The following MGST1 variants were observed in gnomAD, a reference collection of about 807,000 sequenced individuals.
MGST1 encodes microsomal glutathione S-transferase 1.
A neutral mutation model predicts 8.9 loss-of-function variants in MGST1; 5 were observed. That is an observed-to-expected ratio of 0.56 (90% confidence interval 0.29 to 1.19). The LOEUF (loss-of-function observed/expected upper bound fraction) is 1.19. Among genes scored for constraint, MGST1 ranks in the 50% most tolerant of loss-of-function variants. MGST1 has a pLI of 0.08. For synonymous variants in MGST1, 54 were observed against 67.8 expected (o/e 0.80, Z 1.00); for missense variants, 182 against 187.4 (o/e 0.97, Z 0.17).
At chr12:16,470,900 C>G (rs1941286307) in intron 4 of MGST1, among the ~76,000 whole-genome samples, 1 of 152,158 alleles carries the variant, frequency 6.6e-6, no homozygotes, top group South Asian at 2.1e-4. Flanking sequence ...CCACCAACCT[C>G]CCTTTATTTG....
intron 4 of MGST1, among the ~76,000 whole-genome samples, chr12:16,569,709 A>C (rs1942744379): frequency 6.6e-6 from 1 of 152,214 alleles, no homozygotes. Context: ...CTAGAATAAA[A>C]GAAATGTGTC....
At chr12:16,453,637 A>C (rs995160886) in intron 4 of MGST1, among the ~76,000 whole-genome samples, 1 of 151,938 alleles carries the variant, frequency 6.6e-6, no homozygotes, top group Non-Finnish European at 1.5e-5. Flanking sequence ...GTCGGGATCA[A>C]GGTGTTGACA....
chr12:16,543,155 T>G (rs1046170221), intron 4 of MGST1, among the ~76,000 whole-genome samples: 1 of 152,158 alleles, frequency 6.6e-6, no homozygotes, highest in African/African-American at 2.4e-5. Context: ...GAATCTGACA[T>G]GCAGAAGGTG....
Position 16,513,886 on chromosome 12 carries a change from T to A in MGST1, n.483-75642T>A. 2 of 603,666 alleles carry A rather than the reference T, an allele frequency of 3.3e-6. No individual in the cohort carries two copies. The highest frequency in any genetic ancestry group is 4.0e-5 in the Admixed American group (2 of 49,440). 37.4% of individuals were successfully genotyped at this position (603,666 alleles called of 1,614,324 possible). A position where few individuals can be genotyped will look rare whatever the true frequency, so the allele number is the denominator to read the frequency against. On this transcript the variant is annotated intron_variant and non_coding_transcript_variant, in intron 4 of 4. Coordinates refer to the MGST1 transcript ENST00000538857. This position sits in a 1 kb window ranked among gnomAD's most constrained non-coding sequence, Gnocchi z 4.2. ...AACCTGGGGAAGTCGCACACCCATC[T>A]TCAGGGATACTGGCATGCAGCTACA...
rs1940533536 is a variant in MGST1 at position 16,389,704 on chromosome 12, A to T, written n.778+6100A>T. 6.6e-6 allele frequency among the ~76,000 whole-genome samples: 1 copy of T among 152,132 alleles called. No homozygotes were observed. The highest frequency in any genetic ancestry group is 2.1e-4 in the South Asian group (1 of 4,812). On this transcript the variant is annotated intron_variant and non_coding_transcript_variant, in intron 1 of 1. Coordinates refer to the MGST1 transcript ENST00000359720. The surrounding 1 kb of genome is among the most constrained non-coding windows in gnomAD (Gnocchi z 4.6). ...TGTGAAAGAAGGGTGTTATTAGCTG[A>T]TGCTGACTCATTGGGGTTTGAAGTA...
chr12:16,406,089 G>A lies in MGST1; in HGVS notation n.778+22485G>A, dbSNP rs562233457. On this transcript the variant is annotated intron_variant and non_coding_transcript_variant, in intron 1 of 1. Coordinates refer to the MGST1 transcript ENST00000359720. ...ATTCAGGCAACAGAAAGAAAGAAAG[G>A]GCATCCTAATAGAAAGCCATCCAAA... 3.3e-5 allele frequency among the ~76,000 whole-genome samples: 5 copies of A among 152,076 alleles called. 1 individual carries two copies. In the South Asian group the frequency reaches 8.3e-4, roughly 25 times the overall value.
In MGST1 at chr12:16,373,092, C is replaced by T. The variant is rs187930835; in HGVS notation, c.222-3030C>T. ...TATTTGGCCATAAAAAAAATTCTGT[C>T]ATTTGAAACAACATGGATAGAACTG... is the stretch of plus-strand genomic sequence containing the variant. On this transcript the variant is annotated intron_variant, in intron 3 of 3. Transcript: ENST00000535309. Among the ~76,000 whole-genome samples the T allele has an allele frequency of 1.7e-4, 25 of 146,796 alleles. No individual in the cohort carries two copies. The East Asian group carries it at 5.1e-3, about 30-fold the overall frequency.
chr12:16,400,305 T>C (rs1270107520), intron 1 of MGST1: 2 of 794,262 alleles, frequency 2.5e-6, no homozygotes, highest in African/African-American at 1.7e-5. Context: ...AGAGCTGGAA[T>C]GAAGCATGCT....
chr12:16,424,638 T>G (rs555390768), intron 1 of MGST1, among the ~76,000 whole-genome samples: 29 of 152,326 alleles, frequency 1.9e-4, no homozygotes, highest in African/African-American at 6.5e-4. Context: ...TTCCAAAGCC[T>G]AATTTCTCAG....
At chr12:16,493,572 A>G (rs889985820) in intron 4 of MGST1, among the ~76,000 whole-genome samples, 2 of 152,164 alleles carry the variant, frequency 1.3e-5, no homozygotes, top group African/African-American at 4.8e-5. Context: ...TAGCAGTGAC[A>G]AATAAGAACT....
At chr12:16,545,029 TTTAAA>T (rs1197546490) in intron 4 of MGST1, among the ~76,000 whole-genome samples, 9 of 152,040 alleles carry the variant, frequency 5.9e-5, no homozygotes, top group East Asian at 1.9e-4. Context: ...ATATAGAAAT[TTTAAA>T]TTAAAGTAAT....
At chr12:16,369,015 GT>G (rs74662924), downstream of MGST1, among the ~76,000 whole-genome samples, 13,926 of 152,086 alleles carry the variant, frequency 0.092, 718 homozygotes, top group East Asian at 0.22. This position sits in a 1 kb window ranked among gnomAD's most constrained non-coding sequence, Gnocchi z 4.8. Context: ...AGAGTTAGAG[GT>G]TGCCTAAAGT....
At position 16,484,793 on chromosome 12, in the gene MGST1, T is replaced by G. The variant is rs138498579; in HGVS notation, n.482+101189T>G. On this transcript the variant is annotated intron_variant and non_coding_transcript_variant, in intron 4 of 4. Coordinates refer to the MGST1 transcript ENST00000538857. ...TGTCCTCCAACACTGGGGATTACAA[T>G]GTGACATGAGATTTGATCAGGGACA... Among the ~76,000 whole-genome samples, 591 of 152,300 alleles carry G rather than the reference T, an allele frequency of 3.9e-3. 3 individuals carry two copies. Among genetic ancestry groups the G allele is most frequent in the African/African-American group, 0.014 (566 of 41,568 alleles).
At chr12:16,505,206 C>T (rs1364355803) in intron 4 of MGST1, among the ~76,000 whole-genome samples, 1 of 152,098 alleles carries the variant, frequency 6.6e-6, no homozygotes, top group African/African-American at 2.4e-5. Context: ...CCACAGGTCC[C>T]TTTGAAAGTC....
downstream of MGST1, among the ~76,000 whole-genome samples, chr12:16,379,312 G>A (rs1423226770): frequency 1.3e-5 from 2 of 152,080 alleles, no homozygotes; most frequent in Non-Finnish European, 2.9e-5. Context: ...ATTATTTTGA[G>A]ATACATCCCA....
chr12:16,391,282 T>G (rs1165316006), intron 1 of MGST1, among the ~76,000 whole-genome samples: 1 of 151,954 alleles, frequency 6.6e-6, no homozygotes, highest in Non-Finnish European at 1.5e-5. Flanking sequence ...CATACATTAT[T>G]TATTTGTCCT....
In MGST1 at chr12:16,484,400, T is replaced by TTTTG. The variant is rs1555106752; in HGVS notation, n.482+100816_482+100819dup. ...CCAGAGGCACGATAAAGAATCTGTTTTTTGTTTGTTTGTTTGTTTGTTTAT... is the reference window on the plus strand; with the variant it reads ...CCAGAGGCACGATAAAGAATCTGTTTTTTGTTTGTTTGTTTGTTTGTTTGTTTAT... On this transcript the variant is annotated intron_variant and non_coding_transcript_variant, in intron 4 of 4. Coordinates refer to the MGST1 transcript ENST00000538857. Among the ~76,000 whole-genome samples, 36 of 152,134 alleles carry TTTTG rather than the reference T, an allele frequency of 2.4e-4. 1 individual carries two copies. The highest frequency in any genetic ancestry group is 9.2e-4 in the Admixed American group (14 of 15,274).
chr12:16,412,956 G>T (rs1222987374), intron 1 of MGST1, among the ~76,000 whole-genome samples: 1 of 152,110 alleles, frequency 6.6e-6, no homozygotes, highest in Non-Finnish European at 1.5e-5. Context: ...AAAGGCTCTT[G>T]ATTCAAGAAG....
intron 4 of MGST1, among the ~76,000 whole-genome samples, chr12:16,460,901 T>C (rs1218662577): frequency 2.6e-5 from 4 of 152,070 alleles, no homozygotes; most frequent in African/African-American, 7.2e-5. Flanking sequence ...GGAGATACTA[T>C]AAAGCAAGAA....
Sources: allele counts gnomAD v4.1 joint callset (sites outside exome capture counted in the v4.1 genomes callset), GRCh38; gene constraint gnomAD v4.1.1; non-coding constraint Gnocchi (gnomAD v3.1); transcripts MANE v1.5; gene names NCBI Gene and HGNC (gene_info 2026-07-23, HGNC 2026-07-21).